Variants in APP observed in about 807,000 individuals in gnomAD.
APP encodes the protein amyloid-beta precursor protein.
A neutral mutation model predicts 101.4 loss-of-function variants in APP; 31 were observed. The observed-to-expected ratio is 0.31, with a 90% CI of 0.23 to 0.41. The LOEUF is 0.41. Among genes scored for constraint, APP ranks in the 10% least tolerant of loss-of-function variants. APP has a pLI of 1.00. For synonymous variants in APP, 366 were observed against 364.4 expected (o/e 1.00, Z -0.05); for missense variants, 839 against 1,003.7 (o/e 0.84, Z 2.22).
chr21:25,906,172 G>C (rs992213756), intron 14 of APP, among the ~76,000 whole-genome samples: 5 of 152,170 alleles, frequency 3.3e-5, no homozygotes, highest in African/African-American at 1.2e-4. Flanking sequence ...CATGTTAATA[G>C]AAACAGTGAG....
At chr21:25,914,224 A>T (rs2039224237) in intron 13 of APP, among the ~76,000 whole-genome samples, 1 of 151,840 alleles carries the variant, frequency 6.6e-6, no homozygotes, top group African/African-American at 2.4e-5. Flanking sequence ...GAATTCTCTC[A>T]GCCATTTCCT....
intron 1 of APP, among the ~76,000 whole-genome samples, chr21:26,154,048 G>A (rs1212059928): frequency 6.6e-6 from 1 of 152,158 alleles, no homozygotes; most frequent in Non-Finnish European, 1.5e-5. Flanking sequence ...CAGGCAGTAA[G>A]CTTTCCACAT....
intron 2 of APP, among the ~76,000 whole-genome samples, chr21:26,107,384 T>C (rs2062207421): frequency 6.6e-6 from 1 of 152,240 alleles, no homozygotes; most frequent in African/African-American, 2.4e-5. Flanking sequence ...GTTCATCTCA[T>C]TAATGAATTG....
At chr21:25,973,943 T>TAAAAAAAAAAA (rs369334912) in intron 11 of APP, among the ~76,000 whole-genome samples, 2 of 111,138 alleles carry the variant, frequency 1.8e-5, no homozygotes, top group African/African-American at 3.8e-5. Flanking sequence ...CCATCTCATT[T>TAAAAAAAAAAA]AAAAAAAAAA....
intron 5 of APP, among the ~76,000 whole-genome samples, chr21:26,024,653 TTC>T (rs2044491204): frequency 6.6e-6 from 1 of 152,218 alleles, no homozygotes; most frequent in African/African-American, 2.4e-5. Flanking sequence ...ATGGCAGGAA[TTC>T]TCTGATTACC....
chr21:25,939,511 A>G (rs57126), intron 13 of APP, among the ~76,000 whole-genome samples: 137,924 of 152,262 alleles, frequency 0.91, 62,538 homozygotes, highest in Non-Finnish European at 0.92. Context: ...GCATTCAAGT[A>G]TCAAAATACT....
chr21:25,983,336 A>G (rs1191228317), intron 8 of APP, among the ~76,000 whole-genome samples: 1 of 152,358 alleles, frequency 6.6e-6, no homozygotes, highest in Non-Finnish European at 1.5e-5. Context: ...ATAAAAAACA[A>G]AATGAGACGT....
At chr21:25,929,116 A>G (rs1356782952) in intron 13 of APP, 1 of 152,158 alleles carries the variant, frequency 6.6e-6, no homozygotes, top group Non-Finnish European at 1.5e-5. Context: ...TGGAGGAAAA[A>G]CTGGCTGCCT....
At chr21:26,160,007 A>G (rs2063457797) in intron 1 of APP, among the ~76,000 whole-genome samples, 1 of 152,180 alleles carries the variant, frequency 6.6e-6, no homozygotes, top group Admixed American at 6.5e-5. Flanking sequence ...AACATTCATT[A>G]TGTTTGTCCT....
intron 13 of APP, among the ~76,000 whole-genome samples, chr21:25,947,646 A>G (rs904362614): frequency 1.1e-4 from 16 of 152,296 alleles, no homozygotes; most frequent in African/African-American, 3.8e-4. Context: ...AAATATGAAT[A>G]AGGAGCTCTG....
chr21:26,110,111 C>A (rs534956544), intron 2 of APP, among the ~76,000 whole-genome samples: 7 of 152,280 alleles, frequency 4.6e-5, no homozygotes, highest in Admixed American at 6.5e-5. Context: ...TATTATCAAT[C>A]CATACTTAGT....
chr21:26,159,484 A>G (rs558607150), intron 1 of APP, among the ~76,000 whole-genome samples: 1 of 152,366 alleles, frequency 6.6e-6, no homozygotes, highest in South Asian at 2.1e-4. Context: ...TAAAAGGGGA[A>G]TGCACAATCC....
chr21:26,034,685 T>C (rs1318060038), intron 5 of APP, among the ~76,000 whole-genome samples: 1 of 148,100 alleles, frequency 6.8e-6, no homozygotes, highest in African/African-American at 2.5e-5. Context: ...GAAAAAGAAA[T>C]CTATTATCGA....
chr21:25,999,920 A>AT, intron 7 of APP, 95 bp downstream of exon 7: 1 of 1,436,498 alleles, frequency 7.0e-7, no homozygotes, highest in South Asian at 1.2e-5. Flanking sequence ...CAACAGGCCC[A>AT]TTCCCAAGAA....
chr21:26,052,718 T>C (rs1348266460), intron 4 of APP, among the ~76,000 whole-genome samples: 2 of 152,176 alleles, frequency 1.3e-5, no homozygotes, highest in African/African-American at 4.8e-5. Flanking sequence ...CAGGCTGGTA[T>C]AAAAAAGCTA....
Position 25,927,272 on chromosome 21 carries a change from T to G in APP, c.1688-15310A>C, listed in dbSNP as rs560168283. ...CAGCCCATTCTCAATAGCACTTTCCTCCCAGAACACTCTCCCAAGTCTTTA... is the reference window on the plus strand; with the variant it reads ...CAGCCCATTCTCAATAGCACTTTCCGCCCAGAACACTCTCCCAAGTCTTTA... On this transcript the variant is annotated intron_variant, in intron 13 of 17. Transcript: ENST00000346798. 5.9e-5 allele frequency among the ~76,000 whole-genome samples: 9 copies of G among 152,146 alleles called. No homozygotes were observed. The South Asian group carries it at 1.9e-3, about 32-fold the overall frequency.
Position 26,009,417 on chromosome 21 carries a change from C to T in APP, c.866-9235G>A, listed in dbSNP as rs116417753. Among the ~76,000 whole-genome samples the T allele has an allele frequency of 3.5e-3, 526 of 152,222 alleles. 4 individuals are homozygous for T. Among genetic ancestry groups the T allele is most frequent in the African/African-American group, 0.012 (480 of 41,534 alleles). On this transcript the variant is annotated intron_variant, in intron 6 of 17. Transcript: ENST00000346798. ...CAGTACCAAGATCATAATTTTCTTA[C>T]TCATATTAAGACTATTGAAATACCA...
intron 8 of APP, among the ~76,000 whole-genome samples, chr21:25,984,581 T>C (rs1429293454): frequency 6.6e-6 from 1 of 152,182 alleles, no homozygotes; most frequent in Non-Finnish European, 1.5e-5. Context: ...TAAGTTAAAA[T>C]GAATAAATGC....
intron 13 of APP, among the ~76,000 whole-genome samples, chr21:25,936,116 G>A (rs1379999787): frequency 6.6e-6 from 1 of 152,174 alleles, no homozygotes; most frequent in Non-Finnish European, 1.5e-5. Flanking sequence ...AACTGCTATG[G>A]ATCGAACTGT....
Sources: allele counts gnomAD v4.1 joint callset (sites outside exome capture counted in the v4.1 genomes callset), GRCh38; gene constraint gnomAD v4.1.1; transcripts MANE v1.5; gene names NCBI Gene and HGNC (gene_info 2026-07-23, HGNC 2026-07-21).